RAI14: variants seen among roughly 807,000 people sequenced by gnomAD.
The protein encoded by RAI14 is ankycorbin.
Under a neutral mutation model 115.4 loss-of-function variants are expected in RAI14, and 45 were observed. The observed-to-expected ratio is 0.39, with a 90% CI of 0.31 to 0.50. The LOEUF (loss-of-function observed/expected upper bound fraction) is 0.50. RAI14 is among the 20% of genes least tolerant of loss of function. RAI14 has a pLI of 0.85. For synonymous variants in RAI14, 371 were observed against 415.4 expected, an observed-to-expected ratio of 0.89 and a Z score of 1.30; for missense variants, 939 against 1,131.2, an observed-to-expected ratio of 0.83 and a Z score of 2.44.
Position 34,826,391 on chromosome 5 carries a change from T to A in RAI14, c.2711T>A (p.Leu904His). The A allele has an allele frequency of 6.2e-7, 1 of 1,613,988 alleles. No individual in the cohort carries two copies. The highest frequency in any genetic ancestry group is 8.5e-7 in the Non-Finnish European group (1 of 1,179,958). The change falls in exon 16 of 18, where the codon CTC becomes CAC. Residue 904 changes from leucine to histidine, a missense_variant. Transcript: ENST00000265109. ...LKEALNSLSQ[L>H]SYSTSSSKRQ... ...GAGGCCTTGAACAGCCTCTCCCAGC[T>A]CTCCTACTCAACAAGCTCATCCAAA...
intron 2 of RAI14, among the ~76,000 whole-genome samples, chr5:34,692,577 T>C (rs1738767452): frequency 6.6e-6 from 1 of 150,672 alleles, no homozygotes; most frequent in Non-Finnish European, 1.5e-5. Context: ...TCTGTAGACA[T>C]AGGAACTATG....
chr5:34,671,003 T>A (rs1743581678), intron 1 of RAI14, among the ~76,000 whole-genome samples: 1 of 152,184 alleles, frequency 6.6e-6, no homozygotes, highest in South Asian at 2.1e-4. Flanking sequence ...GGGTAATAAT[T>A]TTTTGTTTTT....
chr5:34,677,399 C>T (rs988850215), intron 1 of RAI14, among the ~76,000 whole-genome samples: 2 of 151,946 alleles, frequency 1.3e-5, no homozygotes, highest in East Asian at 3.9e-4. Flanking sequence ...TCTGCACCCG[C>T]CTTGCCCTTC....
chr5:34,691,147 G>A (rs1289947601), intron 2 of RAI14, among the ~76,000 whole-genome samples: 1 of 152,072 alleles, frequency 6.6e-6, no homozygotes, highest in African/African-American at 2.4e-5. Context: ...AAGGATGGTT[G>A]GGAAGAGGGG....
intron 2 of RAI14, among the ~76,000 whole-genome samples, chr5:34,698,732 T>C (rs761817473): frequency 6.6e-6 from 1 of 152,116 alleles, no homozygotes; most frequent in Non-Finnish European, 1.5e-5. Context: ...CTATACGTCA[T>C]TGAAAGCCTG....
At chr5:34,718,886 T>C (rs897743863) in intron 2 of RAI14, among the ~76,000 whole-genome samples, 18 of 152,342 alleles carry the variant, frequency 1.2e-4, no homozygotes, top group Admixed American at 9.8e-4. Flanking sequence ...TCCCCACTTC[T>C]TGCCTACTCT....
chr5:34,682,238 TATC>T (rs111667285), intron 1 of RAI14, among the ~76,000 whole-genome samples: 4,400 of 152,240 alleles, frequency 0.029, 218 homozygotes, highest in African/African-American at 0.1. Flanking sequence ...TTTGTTGAGA[TATC>T]ATTCATATAC....
At chr5:34,733,833 G>A (rs1055457566) in intron 2 of RAI14, among the ~76,000 whole-genome samples, 8 of 152,252 alleles carry the variant, frequency 5.3e-5, no homozygotes, top group East Asian at 1.9e-4. Context: ...TCTCAGCTCC[G>A]TGACTCGGGC....
intron 3 of RAI14, among the ~76,000 whole-genome samples, chr5:34,779,840 G>GACT: frequency 6.6e-6 from 1 of 152,214 alleles, no homozygotes; most frequent in South Asian, 2.1e-4. Context: ...AGCTACCAAT[G>GACT]ACTTTCTTCA....
intron 9 of RAI14, 42 bp from the exon 10 acceptor site, chr5:34,812,138 T>C (rs1561070412): frequency 6.6e-7 from 1 of 1,519,960 alleles, no homozygotes; most frequent in Non-Finnish European, 9.0e-7. Context: ...ATATGAATCA[T>C]TATGCTTCTT....
Position 34,744,756 on chromosome 5 carries a change from T to C in RAI14, c.37-12712T>C, listed in dbSNP as rs530491018. 2.6e-5 allele frequency among the ~76,000 whole-genome samples: 4 copies of C among 152,360 alleles called. 1 individual carries two copies. Among genetic ancestry groups the C allele is most frequent in the African/African-American group, 9.6e-5 (4 of 41,588 alleles). ...TGGTCTATCAGTTTCCTGTGACCGC[T>C]GTAACAAATGACCACAAACTGGGTG... On this transcript the variant is annotated intron_variant, in intron 2 of 17. Transcript: ENST00000265109.
chr5:34,698,727 C>T (rs536976118), intron 2 of RAI14, among the ~76,000 whole-genome samples: 42 of 152,158 alleles, frequency 2.8e-4, no homozygotes, highest in African/African-American at 7.2e-4. Flanking sequence ...CCTCTCTATA[C>T]GTCATTGAAA....
intron 2 of RAI14, among the ~76,000 whole-genome samples, chr5:34,745,764 AC>A (rs1746097452): frequency 6.6e-6 from 1 of 151,644 alleles, no homozygotes; most frequent in South Asian, 2.1e-4. Flanking sequence ...CTGTTCAAAG[AC>A]CCTTATATTT....
At chr5:34,807,007 G>C (rs1754983441) in intron 5 of RAI14, among the ~76,000 whole-genome samples, 1 of 152,154 alleles carries the variant, frequency 6.6e-6, no homozygotes, top group African/African-American at 2.4e-5. Flanking sequence ...GTGTTGTTAG[G>C]GGACATAAAG....
At chr5:34,713,427 C>T (rs1741633076) in intron 2 of RAI14, among the ~76,000 whole-genome samples, 1 of 151,976 alleles carries the variant, frequency 6.6e-6, no homozygotes, top group Non-Finnish European at 1.5e-5. Flanking sequence ...CTACTTCAGC[C>T]TCCTGAGTAG....
chr5:34,812,665 C>CAAAA (rs372158532), intron 10 of RAI14, among the ~76,000 whole-genome samples: 1 of 146,020 alleles, frequency 6.8e-6, no homozygotes. Context: ...AACTCCGTCT[C>CAAAA]AAAAAAAAAA....
intron 2 of RAI14, among the ~76,000 whole-genome samples, chr5:34,687,385 T>C (rs1737975473): frequency 6.6e-6 from 1 of 152,118 alleles, no homozygotes; most frequent in Non-Finnish European, 1.5e-5. Flanking sequence ...CGTGTTCAAC[T>C]CTCTGTTAAG....
intron 17 of RAI14, 46 bp downstream of exon 17, chr5:34,829,843 G>A (rs1220935651): frequency 1.1e-5 from 16 of 1,444,910 alleles, no homozygotes; most frequent in Admixed American, 4.0e-5. Context: ...AAAGAAATAC[G>A]GCAGCAGATG....
intron 4 of RAI14, among the ~76,000 whole-genome samples, chr5:34,801,666 G>T (rs535383462): frequency 6.6e-6 from 1 of 151,850 alleles, no homozygotes; most frequent in African/African-American, 2.4e-5. Context: ...GCTTGAACCC[G>T]GGAGGCAGAG....
Sources: gnomAD v4.1 joint callset for allele counts (sites outside exome capture counted in the v4.1 genomes callset) on GRCh38, gnomAD v4.1.1 for gene constraint, MANE v1.5 for transcripts, NCBI Gene and HGNC (gene_info 2026-07-23, HGNC 2026-07-21) for gene names.